RBMS3: variants seen among roughly 807,000 people sequenced by gnomAD.
The protein encoded by RBMS3 is RNA binding motif single stranded interacting protein 3, also known as RNA-binding motif, single-stranded-interacting protein 3.
RBMS3 carries 27 observed loss-of-function variants against 66.8 expected under a neutral mutation model. That is an observed-to-expected ratio of 0.40 (90% CI 0.30 to 0.56). The LOEUF (loss-of-function observed/expected upper bound fraction) is 0.56. Ranked by LOEUF, RBMS3 falls within the 20% of genes least tolerant of loss-of-function variation. RBMS3 has a pLI of 0.40. For missense variants in RBMS3, 513 were observed against 549.5 expected, an observed-to-expected ratio of 0.93 and a Z score of 0.66; for synonymous variants, 188 against 183.0, an observed-to-expected ratio of 1.03 and a Z score of -0.22.
At chr3:29,979,158 A>AAACAAC (rs751421266) in intron 12 of RBMS3, among the ~76,000 whole-genome samples, 2 of 151,238 alleles carry the variant, frequency 1.3e-5, no homozygotes, top group Non-Finnish European at 2.9e-5. Flanking sequence ...AGAAGGAAAG[A>AAACAAC]AACAACAACA....
chr3:29,635,193 A>T (rs890021560), intron 4 of RBMS3, among the ~76,000 whole-genome samples: 1 of 151,762 alleles, frequency 6.6e-6, no homozygotes, highest in African/African-American at 2.4e-5. Flanking sequence ...TTCCATATCA[A>T]ATCTTTCTCT....
intron 4 of RBMS3, among the ~76,000 whole-genome samples, chr3:29,672,160 C>G (rs537653906): frequency 3.3e-5 from 5 of 152,106 alleles, no homozygotes; most frequent in Admixed American, 6.5e-5. Context: ...GAATTTTCAA[C>G]CCAGAATTTC....
intron 4 of RBMS3, among the ~76,000 whole-genome samples, chr3:29,707,276 A>G (rs1415364419): frequency 6.6e-6 from 1 of 152,166 alleles, no homozygotes; most frequent in Non-Finnish European, 1.5e-5. Context: ...TTATTGCGAG[A>G]AGTGAATTAA....
At chr3:29,438,449 AAAAG>A (rs1461830981) in intron 2 of RBMS3, among the ~76,000 whole-genome samples, 19 of 152,312 alleles carry the variant, frequency 1.2e-4, no homozygotes, top group Admixed American at 1.0e-3. Flanking sequence ...GTATTAAAGA[AAAAG>A]AAATTGCATT....
At chr3:29,331,563 T>C (rs759344844) in intron 1 of RBMS3, among the ~76,000 whole-genome samples, 2 of 152,140 alleles carry the variant, frequency 1.3e-5, no homozygotes, top group Non-Finnish European at 2.9e-5. Flanking sequence ...AATCCTCATC[T>C]CAGACCTTGC....
chr3:29,853,578 C>T (rs988269254), intron 6 of RBMS3, among the ~76,000 whole-genome samples: 23 of 151,824 alleles, frequency 1.5e-4, no homozygotes, highest in South Asian at 2.1e-4. Flanking sequence ...TGCTCTCAGG[C>T]GACAGATGAT....
At chr3:29,502,744 C>T (rs572629974) in intron 3 of RBMS3, among the ~76,000 whole-genome samples, 4 of 152,212 alleles carry the variant, frequency 2.6e-5, no homozygotes, top group African/African-American at 9.6e-5. Flanking sequence ...GTCTAGCTTT[C>T]TATCTAGGTT....
chr3:29,639,934 A>C (rs1460502228), intron 4 of RBMS3, among the ~76,000 whole-genome samples: 1 of 151,908 alleles, frequency 6.6e-6, no homozygotes, highest in Non-Finnish European at 1.5e-5. Context: ...ATATAAAAAA[A>C]AGAAGGATAT....
intron 4 of RBMS3, among the ~76,000 whole-genome samples, chr3:29,602,850 G>C (rs550660999): frequency 6.6e-6 from 1 of 151,932 alleles, no homozygotes; most frequent in African/African-American, 2.4e-5. Context: ...TTTCTACAGA[G>C]TATCCAGATA....
chr3:29,786,393 A>T (rs1440480475), intron 6 of RBMS3, among the ~76,000 whole-genome samples: 1 of 152,062 alleles, frequency 6.6e-6, no homozygotes, highest in African/African-American at 2.4e-5. Context: ...CTAAAGCAAG[A>T]CTAAACAAAA....
At chr3:29,455,116 C>T (rs991570117) in intron 2 of RBMS3, among the ~76,000 whole-genome samples, 53 of 152,266 alleles carry the variant, frequency 3.5e-4, no homozygotes, top group Non-Finnish European at 5.9e-4. Context: ...ATGCACTCTA[C>T]ATTTTGTCTC....
chr3:29,609,875 G>A (rs2048436801), intron 4 of RBMS3, among the ~76,000 whole-genome samples: 2 of 151,946 alleles, frequency 1.3e-5, no homozygotes, highest in Admixed American at 1.3e-4. Flanking sequence ...GCACAAAAAG[G>A]GAAACAGATT....
chr3:29,601,973 A>G (rs2048160076), intron 4 of RBMS3, among the ~76,000 whole-genome samples: 1 of 152,030 alleles, frequency 6.6e-6, no homozygotes, highest in Non-Finnish European at 1.5e-5. Context: ...AGAAAGCAGC[A>G]TTTGTAGATT....
intron 4 of RBMS3, among the ~76,000 whole-genome samples, chr3:29,669,398 A>C (rs1005631130): frequency 2.0e-5 from 3 of 152,202 alleles, no homozygotes; most frequent in African/African-American, 7.2e-5. Context: ...CTCATTTTAC[A>C]GTAGACAATA....
chr3:29,870,790 A>G (rs1448573139), intron 7 of RBMS3, among the ~76,000 whole-genome samples: 7 of 152,168 alleles, frequency 4.6e-5, no homozygotes. Flanking sequence ...TTGATCTATG[A>G]AAATCAAGGG....
At position 29,991,298 on chromosome 3, in the gene RBMS3, A is replaced by C. The variant is rs553322072; in HGVS notation, c.1307+89A>C. The C allele has an allele frequency of 4.0e-5, 63 of 1,575,264 alleles. No individual in the cohort carries two copies. The Middle Eastern group carries it at 8.5e-4, about 21-fold the overall frequency. ...GTTGTATGTGTTAGCTTTTGCTGAA[A>C]TATAAACCATCCCAAACTTAGCAAC... On this transcript the variant is annotated intron_variant, in intron 14 of 14. Coordinates refer to ENST00000383767, the MANE Select transcript of RBMS3 (RefSeq NM_001003793.3).
At chr3:29,691,876 C>G (rs1209338069) in intron 4 of RBMS3, among the ~76,000 whole-genome samples, 1 of 150,118 alleles carries the variant, frequency 6.7e-6, no homozygotes, top group African/African-American at 2.4e-5. Context: ...GCTTTCAAAT[C>G]TAACACTGGT....
intron 2 of RBMS3, among the ~76,000 whole-genome samples, chr3:29,471,971 A>G (rs2042743786): frequency 1.3e-5 from 2 of 152,094 alleles, no homozygotes; most frequent in African/African-American, 2.4e-5. Context: ...ATACTTCTCC[A>G]TGTCTATGTA....
At chr3:29,400,023 G>T (rs1189597153) in intron 1 of RBMS3, among the ~76,000 whole-genome samples, 1 of 152,104 alleles carries the variant, frequency 6.6e-6, no homozygotes, top group African/African-American at 2.4e-5. Flanking sequence ...TATGGTAAAG[G>T]TGTTGTAGAT....
Sources: allele counts gnomAD v4.1 joint callset (sites outside exome capture counted in the v4.1 genomes callset), GRCh38; gene constraint gnomAD v4.1.1; transcripts MANE v1.5; gene names NCBI Gene and HGNC (gene_info 2026-07-23, HGNC 2026-07-21).